The following TRPS1 variants were observed in gnomAD, a reference collection of about 807,000 sequenced individuals.
TRPS1 encodes the protein zinc finger transcription factor Trps1.
A neutral mutation model predicts 101.2 loss-of-function variants in TRPS1; 6 were observed. That is an observed-to-expected ratio of 0.06 (90% CI 0.03 to 0.12). The LOEUF (loss-of-function observed/expected upper bound fraction) is 0.12. TRPS1 is among the 10% of genes least tolerant of loss of function. The pLI, the probability that TRPS1 is intolerant of heterozygous loss-of-function variation, is 1.00. For missense variants in TRPS1, 1,363 were observed against 1,567.0 expected (o/e 0.87, Z 2.20); for synonymous variants, 578 against 589.8 (o/e 0.98, Z 0.29).
chr8:115,617,791 A>G (rs1818305348), intron 3 of TRPS1, among the ~76,000 whole-genome samples: 1 of 152,184 alleles, frequency 6.6e-6, no homozygotes, highest in Non-Finnish European at 1.5e-5. Context: ...TGTAGCTTTC[A>G]TGCATAATAA....
At chr8:115,426,515 G>A (rs1162234383) in intron 5 of TRPS1, among the ~76,000 whole-genome samples, 1 of 151,596 alleles carries the variant, frequency 6.6e-6, no homozygotes. Flanking sequence ...GTTATTTTGG[G>A]AAAAAACAGA....
At chr8:115,511,614 C>G (rs1169309192) in intron 5 of TRPS1, among the ~76,000 whole-genome samples, 1 of 151,840 alleles carries the variant, frequency 6.6e-6, no homozygotes, top group South Asian at 2.1e-4. Flanking sequence ...TGGGACCTGA[C>G]AAAGACCCAC....
In TRPS1 at chr8:115,587,256, C is replaced by G. The variant is rs775613426; in HGVS notation, c.2445G>C (p.Gly815=). The part of the protein sequence containing the change: ...VTWRGADILR[G]SPSYTQASLG... Reference sequence around the variant, plus strand: ...GGCTTGCTTGGGTGTATGACGGACTCCCCCGCAGGATGTCTGCCCCTCTCC... The same window carrying G: ...GGCTTGCTTGGGTGTATGACGGACTGCCCCGCAGGATGTCTGCCCCTCTCC... The change falls in exon 5 of 7, where the codon GGG becomes GGC. Residue 815 remains glycine, a synonymous_variant. Coordinates refer to ENST00000395715, the MANE Select transcript of TRPS1 (RefSeq NM_014112.5). 1 of 1,614,182 alleles carries G rather than the reference C, an allele frequency of 6.2e-7. No homozygotes were observed. The highest frequency in any genetic ancestry group is 8.5e-7 in the Non-Finnish European group (1 of 1,180,014).
chr8:115,527,541 A>G (rs1350001563), intron 5 of TRPS1, among the ~76,000 whole-genome samples: 1 of 152,116 alleles, frequency 6.6e-6, no homozygotes, highest in Non-Finnish European at 1.5e-5. Flanking sequence ...GCAGGATTAG[A>G]ACAAATAGAA....
At chr8:115,654,799 G>A (rs1372585295) in intron 1 of TRPS1, among the ~76,000 whole-genome samples, 1 of 152,114 alleles carries the variant, frequency 6.6e-6, no homozygotes, top group Non-Finnish European at 1.5e-5. Flanking sequence ...TTAACTTTCT[G>A]TGATAGCTTC....
At chr8:115,517,381 T>A (rs1410973397) in intron 5 of TRPS1, among the ~76,000 whole-genome samples, 1 of 151,626 alleles carries the variant, frequency 6.6e-6, no homozygotes, top group Non-Finnish European at 1.5e-5. Flanking sequence ...ACAGCTATTA[T>A]AAGCAGATCA....
chr8:115,604,353 T>A lies in TRPS1; in HGVS notation c.1616A>T (p.Gln539Leu), dbSNP rs1280968715. 1.9e-6 allele frequency: 3 copies of A among 1,613,972 alleles called. No individual in the cohort carries two copies. The highest frequency in any genetic ancestry group is 2.5e-6 in the Non-Finnish European group (3 of 1,179,994). The change falls in exon 4 of 7, where the codon CAG becomes CTG. Residue 539 changes from glutamine to leucine, a missense_variant. By Grantham distance (113) the Gln-to-Leu change is moderately radical (BLOSUM62 -2). Coordinates refer to ENST00000395715, the MANE Select transcript of TRPS1 (RefSeq NM_014112.5). The surrounding 1 kb of genome is among the most constrained non-coding windows in gnomAD (Gnocchi z 4.1). ...TTTGGAATATCGGAAGTCACAGAAC[T>A]GACAATTATAGCTCGTTACCATATT... ...EDNMVTSYNC[Q>L]FCDFRYSKSH...
intron 5 of TRPS1, among the ~76,000 whole-genome samples, chr8:115,559,368 T>G (rs187096943): frequency 1.3e-5 from 2 of 152,266 alleles, no homozygotes; most frequent in Admixed American, 1.3e-4. Flanking sequence ...TACTGCATCA[T>G]TATTTGGATA....
At position 115,619,602 on chromosome 8, in the gene TRPS1, C is replaced by T. The variant is rs552374047; in HGVS notation, c.496G>A (p.Asp166Asn). The T allele has an allele frequency of 6.2e-6, 10 of 1,614,206 alleles. No homozygotes were observed. In the East Asian group the frequency reaches 2.2e-4, roughly 36 times the overall value. ...PSGDSLETKEDQKMSPKATEE... is the reference protein window; with the variant it reads ...PSGDSLETKENQKMSPKATEE... ...GTAGCCTTTGGTGACATCTTCTGAT[C>T]TTCCTTTGTCTCCAGTGAGTCCCCT... is the stretch of plus-strand genomic sequence containing the variant. Residue 166 changes from aspartate to asparagine, a missense_variant, in exon 3 of 7, where the codon GAT becomes AAT. This residue lies in a region of TRPS1 where 1,020 missense variants were observed against 1,073.0 expected (regional missense o/e 0.95). Coordinates refer to ENST00000395715, the MANE Select transcript of TRPS1 (RefSeq NM_014112.5).
intron 5 of TRPS1, among the ~76,000 whole-genome samples, chr8:115,545,154 T>C (rs1459918082): frequency 1.3e-5 from 2 of 152,168 alleles, no homozygotes; most frequent in Non-Finnish European, 2.9e-5. Flanking sequence ...AGGATCCTTC[T>C]TGACAAAGCT....
chr8:115,524,601 G>A (rs1815950321), intron 5 of TRPS1, among the ~76,000 whole-genome samples: 1 of 152,016 alleles, frequency 6.6e-6, no homozygotes, highest in African/African-American at 2.4e-5. Flanking sequence ...TTACAGGTGT[G>A]AGCCACCACA....
At chr8:115,434,368 A>C (rs1813398148) in intron 5 of TRPS1, among the ~76,000 whole-genome samples, 1 of 152,136 alleles carries the variant, frequency 6.6e-6, no homozygotes, top group Non-Finnish European at 1.5e-5. Flanking sequence ...CATGCTATTA[A>C]CTTTATTGTG....
At chr8:115,530,067 A>G (rs1439913033) in intron 5 of TRPS1, among the ~76,000 whole-genome samples, 1 of 152,150 alleles carries the variant, frequency 6.6e-6, no homozygotes, top group Non-Finnish European at 1.5e-5. Context: ...GAAGAACTTA[A>G]TAATTTTTTT....
At chr8:115,544,682 A>T (rs138135124) in intron 5 of TRPS1, among the ~76,000 whole-genome samples, 92 of 152,266 alleles carry the variant, frequency 6.0e-4, no homozygotes, top group African/African-American at 2.0e-3. Flanking sequence ...CCTGATATGG[A>T]GGCACTTACG....
At chr8:115,470,190 C>T (rs1814431875) in intron 5 of TRPS1, among the ~76,000 whole-genome samples, 1 of 152,206 alleles carries the variant, frequency 6.6e-6, no homozygotes, top group Non-Finnish European at 1.5e-5. Context: ...CAGGGTAGAA[C>T]ATTCTATGAA....
intron 5 of TRPS1, among the ~76,000 whole-genome samples, chr8:115,512,646 T>C (rs757516917): frequency 5.9e-5 from 9 of 151,574 alleles, no homozygotes; most frequent in Non-Finnish European, 1.3e-4. Flanking sequence ...ACTATATATA[T>C]ATATGAATAT....
intron 1 of TRPS1, among the ~76,000 whole-genome samples, chr8:115,647,563 A>T (rs751916835): frequency 3.4e-4 from 51 of 152,204 alleles, no homozygotes; most frequent in Non-Finnish European, 6.5e-4. Context: ...CTTTATTTAT[A>T]GTTTCTGATT....
chr8:115,433,285 A>G (rs1051165191), intron 5 of TRPS1, among the ~76,000 whole-genome samples: 1 of 152,064 alleles, frequency 6.6e-6, no homozygotes, highest in Non-Finnish European at 1.5e-5. Context: ...ACTTTTGAAA[A>G]AAAACATAAA....
At chr8:115,612,209 CAGA>C (rs1402637932) in intron 3 of TRPS1, among the ~76,000 whole-genome samples, 3 of 147,670 alleles carry the variant, frequency 2.0e-5, no homozygotes, top group South Asian at 2.1e-4. Context: ...GAAATAAAAA[CAGA>C]AGAAGACAAG....
Sources: gnomAD v4.1 joint callset for allele counts (sites outside exome capture counted in the v4.1 genomes callset) on GRCh38, gnomAD v4.1.1 for gene constraint, gnomAD v4.1.1 regional missense constraint, Gnocchi (gnomAD v3.1) non-coding constraint, MANE v1.5 for transcripts, NCBI Gene and HGNC (gene_info 2026-07-23, HGNC 2026-07-21) for gene names.